RBMS1: variants seen among roughly 807,000 people sequenced by gnomAD.
The protein encoded by RBMS1 is RNA binding motif single stranded interacting protein 1.
A neutral mutation model predicts 62.3 loss-of-function variants in RBMS1; 17 were observed. The observed-to-expected ratio is 0.27, with a 90% CI of 0.19 to 0.41. The LOEUF (loss-of-function observed/expected upper bound fraction) is 0.41, where lower values mean the gene tolerates loss of function less well. RBMS1 is among the 10% of genes least tolerant of loss of function. RBMS1 has a pLI of 1.00. For synonymous variants in RBMS1, 172 were observed against 170.0 expected, an observed-to-expected ratio of 1.01 and a Z score of -0.09; for missense variants, 334 against 504.5, an observed-to-expected ratio of 0.66 and a Z score of 3.24.
chr2:160,282,276 T>C, intron 9 of RBMS1: 1 of 1,367,922 alleles, frequency 7.3e-7, no homozygotes, highest in Non-Finnish European at 9.8e-7. Context: ...AGAGCCCCGA[T>C]ACTTGTTTTC....
At chr2:160,300,519 T>G (rs1689153527) in intron 6 of RBMS1, 132 bp downstream of exon 6, 3 of 1,275,978 alleles carry the variant, frequency 2.4e-6, no homozygotes, top group Non-Finnish European at 3.1e-6. Flanking sequence ...TAAGTCTTAT[T>G]TCTAAATCCA....
chr2:160,369,627 G>A (rs1040434424), intron 1 of RBMS1, among the ~76,000 whole-genome samples: 4 of 152,216 alleles, frequency 2.6e-5, no homozygotes, highest in Admixed American at 2.6e-4. Flanking sequence ...TATGTTTAGC[G>A]TAGCTGTTGG....
chr2:160,314,257 A>T (rs1217609061), intron 3 of RBMS1, among the ~76,000 whole-genome samples: 1 of 152,194 alleles, frequency 6.6e-6, no homozygotes, highest in Non-Finnish European at 1.5e-5. Context: ...CACTGTGATA[A>T]TTCTTAAGTT....
chr2:160,481,746 A>G (rs1427013894), intron 1 of RBMS1, among the ~76,000 whole-genome samples: 1 of 152,268 alleles, frequency 6.6e-6, no homozygotes, highest in Non-Finnish European at 1.5e-5. Context: ...CAATGAATAT[A>G]TTTTTAAAAG....
intron 1 of RBMS1, among the ~76,000 whole-genome samples, chr2:160,388,322 T>G (rs1011717875): frequency 3.9e-5 from 6 of 152,154 alleles, no homozygotes; most frequent in Non-Finnish European, 7.4e-5. Flanking sequence ...GTAACCCAGA[T>G]AGCCTAAAAT....
chr2:160,430,869 T>C (rs1458614930), intron 1 of RBMS1, among the ~76,000 whole-genome samples: 1 of 151,886 alleles, frequency 6.6e-6, no homozygotes, highest in Non-Finnish European at 1.5e-5. Flanking sequence ...GTTTTACAAC[T>C]CTCCTATCTG....
At chr2:160,371,694 T>C (rs1005318371) in intron 1 of RBMS1, among the ~76,000 whole-genome samples, 1 of 152,142 alleles carries the variant, frequency 6.6e-6, no homozygotes, top group Non-Finnish European at 1.5e-5. Flanking sequence ...AGGAAGAGCG[T>C]TCATCAGCAC....
At chr2:160,339,457 G>A (rs905931821) in intron 2 of RBMS1, among the ~76,000 whole-genome samples, 3 of 152,168 alleles carry the variant, frequency 2.0e-5, no homozygotes, top group African/African-American at 7.2e-5. Context: ...ACAAACAGAT[G>A]TCAAAGCCAT....
chr2:160,279,952 T>C (rs1688019249), intron 10 of RBMS1, among the ~76,000 whole-genome samples: 1 of 152,188 alleles, frequency 6.6e-6, no homozygotes, highest in South Asian at 2.1e-4. Context: ...GAAAAAAAGA[T>C]ATAGATGTGT....
intron 1 of RBMS1, among the ~76,000 whole-genome samples, chr2:160,404,643 C>T (rs114671127): frequency 0.011 from 1,614 of 152,218 alleles, 45 homozygotes; most frequent in African/African-American, 0.037. Flanking sequence ...ACCAATCTTC[C>T]TCGGATGCTG....
intron 2 of RBMS1, among the ~76,000 whole-genome samples, chr2:160,349,022 CT>C (rs1692337976): frequency 6.6e-6 from 1 of 152,066 alleles, no homozygotes. Context: ...TTTATTTCTC[CT>C]TTTTTGGATC....
At chr2:160,332,745 G>A (rs994345588) in intron 2 of RBMS1, among the ~76,000 whole-genome samples, 3 of 152,092 alleles carry the variant, frequency 2.0e-5, no homozygotes, top group South Asian at 2.1e-4. Context: ...CCTCCAAGGG[G>A]AGCTGAGATC....
intron 2 of RBMS1, among the ~76,000 whole-genome samples, chr2:160,320,273 G>C (rs538686065): frequency 6.6e-6 from 1 of 152,288 alleles, no homozygotes; most frequent in East Asian, 1.9e-4. Flanking sequence ...TTCGAGACCA[G>C]GCTGGGCAAC....
chr2:160,427,169 A>G (rs1301020545), intron 1 of RBMS1, among the ~76,000 whole-genome samples: 1 of 152,220 alleles, frequency 6.6e-6, no homozygotes, highest in Non-Finnish European at 1.5e-5. Flanking sequence ...CTAAGGGATG[A>G]TTCCATTAAG....
rs1364845914 is a variant in RBMS1 at position 160,358,494 on chromosome 2, A to G, written c.251+8722T>C. On this transcript the variant is annotated intron_variant, in intron 2 of 13. Coordinates refer to ENST00000348849, the MANE Select transcript of RBMS1 (RefSeq NM_016836.4). The stretch of plus-strand genomic sequence containing the variant: ...ACAGAAGCAAGCCAAGTTCCAGAAA[A>G]TACTGTTATTAATATTTTATGTATG... Among the ~76,000 whole-genome samples the G allele has an allele frequency of 2.6e-5, 4 of 152,172 alleles. No individual in the cohort carries two copies. In the East Asian group the frequency reaches 5.8e-4, roughly 22 times the overall value.
chr2:160,370,597 G>A (rs959890474), intron 1 of RBMS1, among the ~76,000 whole-genome samples: 3 of 152,214 alleles, frequency 2.0e-5, no homozygotes, highest in South Asian at 4.1e-4. Context: ...GTTAGGCCAT[G>A]TGCCAGGGCC....
At chr2:160,370,617 G>C (rs1312585616) in intron 1 of RBMS1, among the ~76,000 whole-genome samples, 1 of 152,234 alleles carries the variant, frequency 6.6e-6, no homozygotes, top group Non-Finnish European at 1.5e-5. Context: ...CACACATTTA[G>C]AAGGTGGCAG....
chr2:160,310,588 G>A (rs915710185), intron 4 of RBMS1, among the ~76,000 whole-genome samples: 4 of 152,242 alleles, frequency 2.6e-5, no homozygotes, highest in Middle Eastern at 3.4e-3. Flanking sequence ...TTGAAATAAC[G>A]ACAGTGGCTG....
At chr2:160,455,702 G>A (rs983833145) in intron 1 of RBMS1, among the ~76,000 whole-genome samples, 1 of 40,446 alleles carries the variant, frequency 2.5e-5, no homozygotes, top group Non-Finnish European at 5.1e-5. Flanking sequence ...TTTTTTTTTT[G>A]AGACGGAGTC....
Sources: gnomAD v4.1 joint callset for allele counts (sites outside exome capture counted in the v4.1 genomes callset) on GRCh38, gnomAD v4.1.1 for gene constraint, MANE v1.5 for transcripts, NCBI Gene and HGNC (gene_info 2026-07-23, HGNC 2026-07-21) for gene names.